The following SLC14A2 variants were observed in gnomAD, a reference collection of about 807,000 sequenced individuals.
The protein encoded by SLC14A2 is solute carrier family 14 member 2.
In SLC14A2, 91 loss-of-function variants were observed where a neutral mutation model predicts 104.6. The observed-to-expected ratio is 0.87, with a 90% CI of 0.73 to 1.04. The LOEUF (loss-of-function observed/expected upper bound fraction) is 1.04. Ranked by LOEUF, SLC14A2 falls within the 50% of genes least tolerant of loss-of-function variation. The pLI, the probability that SLC14A2 is intolerant of heterozygous loss-of-function variation, is 0.00. For synonymous variants in SLC14A2, 476 were observed against 466.4 expected (o/e 1.02, Z -0.27); for missense variants, 1,189 against 1,156.0 (o/e 1.03, Z -0.41).
At chr18:45,629,818 T>G (rs2144519167) in intron 4 of SLC14A2, among the ~76,000 whole-genome samples, 1 of 152,312 alleles carries the variant, frequency 6.6e-6, no homozygotes, top group African/African-American at 2.4e-5. Context: ...ATGCATCAGA[T>G]AAAAACCCAG....
chr18:45,561,380 C>T (rs2044199303), intron 2 of SLC14A2, among the ~76,000 whole-genome samples: 1 of 152,160 alleles, frequency 6.6e-6, no homozygotes, highest in African/African-American at 2.4e-5. Context: ...AAGAGAGTGA[C>T]AGCAAAACAA....
intron 1 of SLC14A2, among the ~76,000 whole-genome samples, chr18:45,364,788 T>G (rs1233301070): frequency 6.6e-6 from 1 of 152,102 alleles, no homozygotes; most frequent in African/African-American, 2.4e-5. Flanking sequence ...GTCTCGAGTT[T>G]TTTCTCCAGA....
chr18:45,443,311 T>C (rs1301625547), intron 1 of SLC14A2, among the ~76,000 whole-genome samples: 2 of 152,224 alleles, frequency 1.3e-5, no homozygotes, highest in African/African-American at 4.8e-5. Flanking sequence ...AACTGTCTAT[T>C]TTTATGCTTA....
At chr18:45,317,238 T>A (rs753649127) in intron 1 of SLC14A2, among the ~76,000 whole-genome samples, 93 of 152,124 alleles carry the variant, frequency 6.1e-4, no homozygotes, top group Non-Finnish European at 8.7e-4. Flanking sequence ...AATAGATAGA[T>A]CAAGCATAGA....
chr18:45,643,322 C>G, intron 9 of SLC14A2, 141 bp downstream of exon 9: 1 of 742,606 alleles, frequency 1.3e-6, no homozygotes, highest in Middle Eastern at 2.3e-4. Flanking sequence ...TAAGGTTTAT[C>G]TAAGGTTGTC....
At chr18:45,400,580 C>T (rs1310733895) in intron 1 of SLC14A2, among the ~76,000 whole-genome samples, 1 of 152,170 alleles carries the variant, frequency 6.6e-6, no homozygotes, top group Non-Finnish European at 1.5e-5. Flanking sequence ...TAAATATTTT[C>T]TGTGGAGATA....
chr18:45,285,770 T>G (rs1364780135), intron 1 of SLC14A2, among the ~76,000 whole-genome samples: 1 of 150,334 alleles, frequency 6.7e-6, no homozygotes, highest in Non-Finnish European at 1.5e-5. Flanking sequence ...ATAGTCAGAG[T>G]TTCATGCATG....
intron 1 of SLC14A2, among the ~76,000 whole-genome samples, chr18:45,436,193 A>T (rs1458088558): frequency 6.6e-6 from 1 of 152,200 alleles, no homozygotes; most frequent in Non-Finnish European, 1.5e-5. Context: ...GACTGAAAAA[A>T]ATTACGTTGT....
chr18:45,574,711 A>G (rs554646402), intron 2 of SLC14A2, among the ~76,000 whole-genome samples: 1 of 152,364 alleles, frequency 6.6e-6, no homozygotes, highest in South Asian at 2.1e-4. Context: ...CTTCATTGAC[A>G]AATGTACCTT....
At chr18:45,426,394 T>A (rs1248240336) in intron 1 of SLC14A2, among the ~76,000 whole-genome samples, 1 of 151,990 alleles carries the variant, frequency 6.6e-6, no homozygotes, top group Admixed American at 6.6e-5. Context: ...GCAGAAGACA[T>A]GCCTCCTTCA....
intron 5 of SLC14A2, among the ~76,000 whole-genome samples, chr18:45,636,643 A>T (rs2045420977): frequency 6.6e-6 from 1 of 152,232 alleles, no homozygotes; most frequent in Non-Finnish European, 1.5e-5. Flanking sequence ...AATACATTAC[A>T]TTTTGTTTAG....
intron 1 of SLC14A2, among the ~76,000 whole-genome samples, chr18:45,471,116 A>C (rs1470252889): frequency 6.6e-6 from 1 of 152,160 alleles, no homozygotes; most frequent in East Asian, 1.9e-4. Context: ...AGATCAGATA[A>C]ATGCATTTTC....
At chr18:45,182,450 GA>G in the SLC14A2 span, among the ~76,000 whole-genome samples, 2 of 151,860 alleles carry the variant, frequency 1.3e-5, no homozygotes, top group East Asian at 1.9e-4. Context: ...TAACTGATTT[GA>G]AAAATGTGTT....
chr18:45,553,760 G>T (rs77380145), intron 2 of SLC14A2, among the ~76,000 whole-genome samples: 29 of 152,172 alleles, frequency 1.9e-4, no homozygotes, highest in Non-Finnish European at 1.5e-5. Flanking sequence ...TAAGGCTTCA[G>T]TTGGCCCTAA....
intron 10 of SLC14A2, among the ~76,000 whole-genome samples, chr18:45,649,898 T>C (rs2045701378): frequency 6.6e-6 from 1 of 152,272 alleles, no homozygotes. Context: ...TCTTCGGAGT[T>C]CGGGAATTTT....
At chr18:45,657,883 T>C (rs2045868703) in intron 10 of SLC14A2, among the ~76,000 whole-genome samples, 2 of 152,150 alleles carry the variant, frequency 1.3e-5, no homozygotes, top group Admixed American at 1.3e-4. Flanking sequence ...AAAGGTACCA[T>C]CCCACTTACC....
At chr18:45,547,821 A>G (rs946025992) in intron 2 of SLC14A2, among the ~76,000 whole-genome samples, 1 of 152,238 alleles carries the variant, frequency 6.6e-6, no homozygotes, top group African/African-American at 2.4e-5. Flanking sequence ...AGACGTTTTT[A>G]TAGAAAGAGA....
intron 1 of SLC14A2, among the ~76,000 whole-genome samples, chr18:45,363,449 C>T (rs1273230361): frequency 1.3e-5 from 2 of 152,032 alleles, no homozygotes; most frequent in Non-Finnish European, 2.9e-5. Context: ...GCAGCCTGGC[C>T]CCGAGAAACT....
At chr18:45,217,431 A>G (rs2084020558) in intron 1 of SLC14A2, among the ~76,000 whole-genome samples, 3 of 151,980 alleles carry the variant, frequency 2.0e-5, no homozygotes, top group Admixed American at 2.0e-4. Flanking sequence ...GAGTGTGATT[A>G]TAGTAGCCAC....
Sources: allele counts gnomAD v4.1 joint callset (sites outside exome capture counted in the v4.1 genomes callset), GRCh38; gene constraint gnomAD v4.1.1; transcripts MANE v1.5; gene names NCBI Gene and HGNC (gene_info 2026-07-23, HGNC 2026-07-21).